NBEAL2: variants seen among roughly 807,000 people sequenced by gnomAD.
NBEAL2 encodes the protein neurobeachin like 2, also known as neurobeachin-like protein 2.
In NBEAL2, 160 loss-of-function variants were observed where a neutral mutation model predicts 299.8. That is an observed-to-expected ratio of 0.53 (90% CI 0.47 to 0.61). The LOEUF (loss-of-function observed/expected upper bound fraction) is 0.61. Among genes scored for constraint, NBEAL2 ranks in the 20% least tolerant of loss-of-function variants. The pLI is 0.00. For synonymous variants in NBEAL2, 1,493 were observed against 1,542.3 expected (o/e 0.97, Z 0.75); for missense variants, 3,112 against 3,649.0 (o/e 0.85, Z 3.79).
Position 47,001,794 on chromosome 3 carries a change from G to A in NBEAL2, c.4750G>A (p.Val1584Ile). 1.2e-6 allele frequency: 2 copies of A among 1,613,834 alleles called. No homozygotes were observed. Among genetic ancestry groups the A allele is most frequent in the South Asian group, 1.1e-5 (1 of 91,084 alleles). ...REMAQIGLRL[V>I]LGYILLEDPQ... ...GATGGCGCAGATTGGCCTACGGCTT[G>A]TACTTGGCTACATCCTGCTGGAAGA... Residue 1584 changes from valine (V) to isoleucine (I), a missense_variant, in exon 30 of 54, where the codon GTA (valine) becomes ATA (isoleucine). Coordinates refer to ENST00000450053, the MANE Select transcript of NBEAL2 (RefSeq NM_015175.3). The surrounding 1 kb of genome is among the most constrained non-coding windows in gnomAD (Gnocchi z 6.1).
rs1415603098 is a variant in NBEAL2 at position 46,996,981 on chromosome 3, C to T, written c.2584C>T (p.Leu862=). 6.2e-7 allele frequency: 1 copy of T among 1,613,410 alleles called. No individual in the cohort carries two copies. Among genetic ancestry groups the T allele is most frequent in the Non-Finnish European group, 8.5e-7 (1 of 1,179,840 alleles). ...TTGTAAGAACAACATCTGCCTGGAC[C>T]TGTCCCCCAGTCATGGGCTTGATGG... ...QACKNNICLD[L]SPSHGLDGRL... Residue 862 remains leucine (L), a synonymous_variant, in exon 18 of 54, where the codon CTG becomes TTG. Coordinates refer to ENST00000450053, the MANE Select transcript of NBEAL2 (RefSeq NM_015175.3).
rs762804226 is a variant in NBEAL2 at position 46,989,487 on chromosome 3, T to C, written c.474-24T>C. The C allele has an allele frequency of 2.5e-6, 4 of 1,578,066 alleles. No homozygotes were observed. The Admixed American group carries it at 5.5e-5, about 22-fold the overall frequency. ...CCAGGAGTGGTGAGAGCCGGGCTGATGTACTTGGCCTCACTGCCCCCAGGG... is the reference window on the plus strand; with the variant it reads ...CCAGGAGTGGTGAGAGCCGGGCTGACGTACTTGGCCTCACTGCCCCCAGGG... On this transcript the variant is annotated intron_variant, in intron 5 of 53. Transcript: ENST00000450053. The surrounding 1 kb of genome is among the most constrained non-coding windows in gnomAD (Gnocchi z 5.5).
intron 6 of NBEAL2, among the ~76,000 whole-genome samples, chr3:46,990,889 C>T (rs181705443): frequency 6.5e-4 from 99 of 152,298 alleles, no homozygotes; most frequent in South Asian, 2.5e-3. Context: ...AAGCCCTGGT[C>T]ATCATGGGGA....
Position 46,996,798 on chromosome 3 carries a change from C to T in NBEAL2, c.2521C>T (p.Leu841Phe), listed in dbSNP as rs1174657350. The T allele has an allele frequency of 1.2e-6, 2 of 1,612,580 alleles. No homozygotes were observed. Among genetic ancestry groups the T allele is most frequent in the African/African-American group, 1.3e-5 (1 of 74,928 alleles). The change falls in exon 17 of 54, where the codon CTC becomes TTC. Residue 841 changes from leucine to phenylalanine, a missense_variant. By Grantham distance (22) the Leu-to-Phe change is conservative. Around this residue, in one of 3 missense-constraint regions of NBEAL2, gnomAD observed 2,243 missense variants for 2,538.1 expected, o/e 0.88. Transcript: ENST00000450053. ...PFKPEGELHE[L>F]STRLLLHYSP... ...CAAGCCTGAGGGGGAGCTGCATGAG[C>T]TCAGCACCAGGCTGCTCCTCCATTA...
intron 12 of NBEAL2, 97 bp downstream of exon 12, chr3:46,994,650 G>T (rs1307146802): frequency 1.9e-6 from 2 of 1,052,182 alleles, no homozygotes; most frequent in Admixed American, 4.2e-5. Context: ...GGACCGTATT[G>T]ACTGCGGCCA....
rs1279051190 is a variant in NBEAL2, at chr3:46,995,411, G to A, written c.1676G>A (p.Gly559Asp). The change falls in exon 13 of 54, where the codon GGT (glycine) becomes GAT (aspartate). Residue 559 changes from glycine to aspartate, a missense_variant. Gly to Asp is a moderately conservative substitution (Grantham distance 94, BLOSUM62 -1). Around this residue, in one of 3 missense-constraint regions of NBEAL2, gnomAD observed 2,243 missense variants for 2,538.1 expected, o/e 0.88. Transcript: ENST00000450053. ...GAGGCTGGAAAGGCCCGACACGCAG[G>A]TGCTGTCATCCGCACATTATCAGGC... ...GAEAGKARHAGAVIRTLSGMA... is the reference protein window; with the variant it reads ...GAEAGKARHADAVIRTLSGMA... 3 of 1,612,686 alleles carry A rather than the reference G, an allele frequency of 1.9e-6. No homozygotes were observed. The highest frequency in any genetic ancestry group is 1.7e-5 in the Admixed American group (1 of 60,006).
rs759863598 is a variant in NBEAL2, at chr3:47,007,165, T to C, written c.7224+10T>C. 2 of 1,613,280 alleles carry C rather than the reference T, an allele frequency of 1.2e-6. No homozygotes were observed. The highest frequency in any genetic ancestry group is 2.2e-5 in the East Asian group (1 of 44,884). On this transcript the variant is annotated intron_variant, in intron 46 of 53. Transcript: ENST00000450053. ...TTCCCCAGACCTGTTGGTAAGTGCA[T>C]TGTGCAGAGCCCCAGCTCAGCTCCA...
chr3:47,008,133 G>C lies in NBEAL2; in HGVS notation c.7666G>C (p.Val2556Leu). 1 of 1,614,030 alleles carries C rather than the reference G, an allele frequency of 6.2e-7. No individual in the cohort carries two copies. Among genetic ancestry groups the C allele is most frequent in the Non-Finnish European group, 8.5e-7 (1 of 1,179,886 alleles). ...GGTCCTGTATGGGCATGGGGCTGCA[G>C]TGAGCTGTGTGGCCATCAGCACTGA... ...VQVLYGHGAA[V>L]SCVAISTELD... is the part of the protein sequence containing the mutation. The change falls in exon 50 of 54, where the codon GTG becomes CTG. Residue 2556 changes from valine to leucine, a missense_variant. By Grantham distance (32) the Val-to-Leu change is conservative. This residue lies in a region of NBEAL2 where 348 missense variants were observed against 381.4 expected (regional missense o/e 0.91). Coordinates refer to ENST00000450053, the MANE Select transcript of NBEAL2 (RefSeq NM_015175.3).
At position 47,004,218 on chromosome 3, in the gene NBEAL2, C is replaced by G; in HGVS notation, c.6023C>G (p.Thr2008Arg). The change falls in exon 37 of 54, where the codon ACG (threonine) becomes AGG (arginine). Residue 2008 changes from threonine (T) to arginine (R), a missense_variant. By Grantham distance (71) the Thr-to-Arg change is moderately conservative (BLOSUM62 -1). Coordinates refer to ENST00000450053, the MANE Select transcript of NBEAL2 (RefSeq NM_015175.3). The surrounding 1 kb of genome is among the most constrained non-coding windows in gnomAD (Gnocchi z 5.0). ...CTCAACTTCCCATGCAAGGTGGGCA[C>G]GACCCCAGTCTCATCTCCTAGCCAG... ...YFLNFPCKVG[T>R]TPVSSPSQTP... 1 of 1,613,774 alleles carries G rather than the reference C, an allele frequency of 6.2e-7. No homozygotes were observed. The highest frequency in any genetic ancestry group is 1.1e-5 in the South Asian group (1 of 91,086).
rs766077367 is a variant in NBEAL2 at position 47,003,149 on chromosome 3, G to C, written c.5585-25G>C. 2 of 1,607,298 alleles carry C rather than the reference G, an allele frequency of 1.2e-6. No individual in the cohort carries two copies. Among genetic ancestry groups the C allele is most frequent in the East Asian group, 4.5e-5 (2 of 44,734 alleles). On this transcript the variant is annotated intron_variant, in intron 34 of 53. Coordinates refer to ENST00000450053, the MANE Select transcript of NBEAL2 (RefSeq NM_015175.3). The surrounding 1 kb of genome is among the most constrained non-coding windows in gnomAD (Gnocchi z 7.0). ...CCGTCTCCTGTCCTGCCTTGCTTCT[G>C]CTGAGTACCCTTGGCCCCTTGCAGG... is the stretch of plus-strand genomic sequence containing the variant.
At position 46,999,322 on chromosome 3, in the gene NBEAL2, G is replaced by A. The variant is rs1292307405; in HGVS notation, c.3551G>A (p.Arg1184His). The part of the protein sequence containing the change: ...LLPDRVCKIL[R>H]RLQQNERLPE... ...CCGATGACCCCCACACAGATCCTGC[G>A]CAGACTGCAGCAGAATGAGCGGCTA... is the stretch of plus-strand genomic sequence containing the variant. The change falls in exon 25 of 54, where the codon CGC becomes CAC. Residue 1184 changes from arginine to histidine, a missense_variant. Transcript: ENST00000450053. The A allele has an allele frequency of 1.6e-5, 26 of 1,609,064 alleles. No individual in the cohort carries two copies. The highest frequency in any genetic ancestry group is 6.7e-5 in the East Asian group (3 of 44,834).
Position 46,988,989 on chromosome 3 carries a change from C to T in NBEAL2, c.269+19C>T. Reference sequence around the variant, plus strand: ...TCTGCAGGTGTCTCTGTTGTCCACTCTACAAGCAGGGGCCTAGAACTGTGG... The same window carrying T: ...TCTGCAGGTGTCTCTGTTGTCCACTTTACAAGCAGGGGCCTAGAACTGTGG... On this transcript the variant is annotated intron_variant, in intron 3 of 53. Transcript: ENST00000450053. This position sits in a 1 kb window ranked among gnomAD's most constrained non-coding sequence, Gnocchi z 4.4. 2 of 1,612,752 alleles carry T rather than the reference C, an allele frequency of 1.2e-6. No individual in the cohort carries two copies. The highest frequency in any genetic ancestry group is 1.3e-5 in the African/African-American group (1 of 75,026).
chr3:46,979,840 AG>A lies in NBEAL2; in HGVS notation c.-19del, dbSNP rs982335767. On this transcript the variant is annotated 5_prime_UTR_variant, in exon 1 of 54. Coordinates refer to ENST00000450053, the MANE Select transcript of NBEAL2 (RefSeq NM_015175.3). ...GAGGCGGCGACAGGTGGCGCGCAGC[AG>A]GGCCGGAGCCGGGCCGGGCCATGGC... 7.0e-6 allele frequency: 3 copies of A among 430,050 alleles called. No individual in the cohort carries two copies. Among genetic ancestry groups the A allele is most frequent in the African/African-American group, 4.2e-5 (2 of 48,184 alleles). 26.6% of individuals were successfully genotyped at this position (430,050 alleles called of 1,614,324 possible). A position where few individuals can be genotyped will look rare whatever the true frequency, so the allele number is the denominator to read the frequency against.
At position 46,991,245 on chromosome 3, in the gene NBEAL2, C is replaced by G. The variant is rs759433427; in HGVS notation, c.583C>G (p.Pro195Ala). The G allele has an allele frequency of 1.4e-5, 22 of 1,608,154 alleles. No individual in the cohort carries two copies. Among genetic ancestry groups the G allele is most frequent in the Non-Finnish European group, 1.7e-5 (20 of 1,177,206 alleles). Residue 195 changes from proline to alanine, a missense_variant, in exon 7 of 54, where the codon CCT becomes GCT. Physicochemically the swap from Pro to Ala is conservative, Grantham distance 27. Transcript: ENST00000450053. This position sits in a 1 kb window ranked among gnomAD's most constrained non-coding sequence, Gnocchi z 6.2. ...GAGCCTACAGAATGCAGACCACTTG[C>G]CTCCCATACTGCTGTTACGTCTCAT... ...QESLQNADHLPPILLLRLIHL... is the reference protein window; with the variant it reads ...QESLQNADHLAPILLLRLIHL...
Position 47,009,446 on chromosome 3 carries a change from A to C in NBEAL2, c.*126A>C. On this transcript the variant is annotated 3_prime_UTR_variant, in exon 54 of 54. Transcript: ENST00000450053. ...GGGGTGAGCGGGGCCCACCCTGCCCAGCTCAGGGATTGGCGGGCGATGTTA... is the reference window on the plus strand; with the variant it reads ...GGGGTGAGCGGGGCCCACCCTGCCCCGCTCAGGGATTGGCGGGCGATGTTA... The C allele has an allele frequency of 1.2e-6, 1 of 866,196 alleles. No individual in the cohort carries two copies. The highest frequency in any genetic ancestry group is 1.8e-6 in the Non-Finnish European group (1 of 556,604). The allele number at this position is 866,196 out of a possible 1,614,324, so 53.7% of individuals were successfully genotyped here.
In NBEAL2 at chr3:47,001,066, C is replaced by T. The variant is rs369249358; in HGVS notation, c.4371C>T (p.Gly1457=). ...TNVLFSVTWR[G]VEGSDEAAWR... ...TGCTGTTCTCGGTGACGTGGCGTGG[C>T]GTGGAAGGCAGCGATGAGGCTGCCT... The change falls in exon 28 of 54, where the codon GGC becomes GGT. Residue 1457 remains glycine (G), a synonymous_variant. Coordinates refer to ENST00000450053, the MANE Select transcript of NBEAL2 (RefSeq NM_015175.3). The surrounding 1 kb of genome is among the most constrained non-coding windows in gnomAD (Gnocchi z 6.1). 3.3e-5 allele frequency: 54 copies of T among 1,612,344 alleles called. No individual in the cohort carries two copies. Among genetic ancestry groups the T allele is most frequent in the Non-Finnish European group, 4.4e-5 (52 of 1,179,406 alleles).
chr3:47,001,914 C>T lies in NBEAL2; in HGVS notation c.4783-6C>T. On this transcript the variant is annotated splice_region_variant and splice_polypyrimidine_tract_variant and intron_variant, in intron 30 of 53. Transcript: ENST00000450053. This position sits in a 1 kb window ranked among gnomAD's most constrained non-coding sequence, Gnocchi z 6.1. ...TGGGTGCCACTCATCTCTCTTGCGC[C>T]CACAGCTGCATGCCCAGGCCTACGT... 1 of 1,604,760 alleles carries T rather than the reference C, an allele frequency of 6.2e-7. No individual in the cohort carries two copies. The highest frequency in any genetic ancestry group is 2.2e-5 in the East Asian group (1 of 44,648).
At chr3:46,980,496 C>T (rs2035250118) in intron 1 of NBEAL2, among the ~76,000 whole-genome samples, 1 of 151,846 alleles carries the variant, frequency 6.6e-6, no homozygotes, top group African/African-American at 2.4e-5. Flanking sequence ...TTGAAATGAC[C>T]CACCCCACCC....
chr3:46,986,447 A>G (rs1418681164), intron 1 of NBEAL2, among the ~76,000 whole-genome samples: 1 of 152,034 alleles, frequency 6.6e-6, no homozygotes, highest in Non-Finnish European at 1.5e-5. Flanking sequence ...ACAGAGGGGG[A>G]GAGGTGGAAG....
Sources: gnomAD v4.1 joint callset for allele counts (sites outside exome capture counted in the v4.1 genomes callset) on GRCh38, gnomAD v4.1.1 for gene constraint, gnomAD v4.1.1 regional missense constraint, Gnocchi (gnomAD v3.1) non-coding constraint, MANE v1.5 for transcripts, NCBI Gene and HGNC (gene_info 2026-07-23, HGNC 2026-07-21) for gene names.